Variants in NPAS3 observed in about 807,000 individuals in gnomAD.
NPAS3 encodes neuronal PAS domain protein 3, also known as neuronal PAS domain-containing protein 3.
A neutral mutation model predicts 73.1 loss-of-function variants in NPAS3; 14 were observed. The observed-to-expected ratio is 0.19, with a 90% CI of 0.13 to 0.30. The LOEUF is 0.30. Among genes scored for constraint, NPAS3 ranks in the 10% least tolerant of loss-of-function variants. NPAS3 has a pLI of 1.00. For missense variants in NPAS3, 1,096 were observed against 1,250.0 expected (o/e 0.88, Z 1.86); for synonymous variants, 620 against 541.5 (o/e 1.14, Z -2.01).
At chr14:33,224,492 G>A (rs1404863545) in intron 3 of NPAS3, among the ~76,000 whole-genome samples, 1 of 151,984 alleles carries the variant, frequency 6.6e-6, no homozygotes, top group Non-Finnish European at 1.5e-5. Context: ...TAGTATGTTA[G>A]TAAATGTCAG....
At chr14:33,694,879 C>T (rs1182973187) in intron 6 of NPAS3, among the ~76,000 whole-genome samples, 2 of 152,176 alleles carry the variant, frequency 1.3e-5, no homozygotes, top group Non-Finnish European at 2.9e-5. Flanking sequence ...ATTTAATTCT[C>T]TGTGTCTGCT....
chr14:33,582,536 G>C (rs1285035900), intron 5 of NPAS3, among the ~76,000 whole-genome samples: 1 of 152,104 alleles, frequency 6.6e-6, no homozygotes, highest in Non-Finnish European at 1.5e-5. Context: ...TTCCAGTTTG[G>C]TTTTATGTTA....
At chr14:33,601,344 A>G (rs2057392887) in intron 5 of NPAS3, among the ~76,000 whole-genome samples, 1 of 152,226 alleles carries the variant, frequency 6.6e-6, no homozygotes, top group Non-Finnish European at 1.5e-5. Flanking sequence ...ATCCAACCTT[A>G]GTTTGATGAA....
intron 3 of NPAS3, among the ~76,000 whole-genome samples, chr14:33,366,337 AT>A (rs1274818298): frequency 2.0e-5 from 3 of 152,058 alleles, no homozygotes; most frequent in South Asian, 2.1e-4. Flanking sequence ...AAAAAAAAAA[AT>A]CATAAACAGA....
chr14:33,541,131 GCACACA>G (rs367677525), intron 4 of NPAS3, among the ~76,000 whole-genome samples: 2 of 148,084 alleles, frequency 1.4e-5, no homozygotes, highest in East Asian at 4.0e-4. Context: ...GTGTGTGCAT[GCACACA>G]CACACATTAG....
rs962916715 is a variant in NPAS3 at position 33,051,302 on chromosome 14, G to C, written c.51-4603G>C. Among the ~76,000 whole-genome samples, 38 of 118,306 alleles carry C rather than the reference G, an allele frequency of 3.2e-4. 2 individuals are homozygous for C. The allele number at this position is 118,306 out of a possible 152,430, so 77.6% of individuals were successfully genotyped here. A position where few individuals can be genotyped will look rare whatever the true frequency, so the allele number is the denominator to read the frequency against. On this transcript the variant is annotated intron_variant, in intron 1 of 11. Coordinates refer to ENST00000356141, the Ensembl canonical transcript of NPAS3. ...TCTCAAAAAAAAAAAAAAAAAGAGA[G>C]ACTAAAGAACTTCCCCACTACCACC...
chr14:33,074,416 ATTCT>A (rs1220421492), intron 2 of NPAS3, among the ~76,000 whole-genome samples: 1 of 152,028 alleles, frequency 6.6e-6, no homozygotes, highest in African/African-American at 2.4e-5. Flanking sequence ...GGGATAACAC[ATTCT>A]TTCTTTCTTT....
intron 6 of NPAS3, among the ~76,000 whole-genome samples, chr14:33,732,366 C>G (rs1469818066): frequency 6.6e-6 from 1 of 152,204 alleles, no homozygotes; most frequent in Non-Finnish European, 1.5e-5. Flanking sequence ...AAAAGCATCT[C>G]TTCTAAAGCT....
At position 33,301,318 on chromosome 14, in the gene NPAS3, ATATATTTTTTTTT is replaced by A. The variant is rs1386759658; in HGVS notation, c.386-65866_386-65854del. On this transcript the variant is annotated intron_variant, in intron 3 of 11. Coordinates refer to ENST00000356141, the Ensembl canonical transcript of NPAS3. ...CTAGGTTTTATCATTATATATATAT[ATATATTTTTTTTT>A]TTTAAATCTAGCTGTAATGGGTTAT... Among the ~76,000 whole-genome samples the A allele has an allele frequency of 4.4e-4, 43 of 97,128 alleles. 6 individuals carry two copies. The highest frequency in any genetic ancestry group is 1.7e-3 in the African/African-American group (38 of 22,854). 63.7% of individuals were successfully genotyped at this position (97,128 alleles called of 152,430 possible).
At chr14:32,935,856 G>A (rs548856074), upstream of NPAS3, among the ~76,000 whole-genome samples, 2 of 152,270 alleles carry the variant, frequency 1.3e-5, no homozygotes, top group African/African-American at 2.4e-5. Context: ...TGTAATCCAC[G>A]AAAATGCGCT....
chr14:33,770,471 C>T (rs2062614689), intron 7 of NPAS3, among the ~76,000 whole-genome samples: 1 of 152,198 alleles, frequency 6.6e-6, no homozygotes, highest in African/African-American at 2.4e-5. Flanking sequence ...TAGATGTCTT[C>T]CCCCAACTTA....
intron 5 of NPAS3, among the ~76,000 whole-genome samples, chr14:33,672,737 A>G (rs1294744305): frequency 6.6e-6 from 1 of 151,356 alleles, no homozygotes; most frequent in East Asian, 1.9e-4. Context: ...GTTTAGTGGG[A>G]AAAGTGGTGG....
At position 33,800,829 on chromosome 14, in the gene NPAS3, A is replaced by G; in HGVS notation, c.2522A>G (p.Gln841Arg). 2.5e-6 allele frequency: 4 copies of G among 1,603,382 alleles called. No individual in the cohort carries two copies. Among genetic ancestry groups the G allele is most frequent in the Non-Finnish European group, 3.4e-6 (4 of 1,175,588 alleles). The change falls in exon 12 of 12, where the codon CAG becomes CGG. Residue 841 changes from glutamine (Q) to arginine (R), a missense_variant. Gln to Arg is a conservative substitution (Grantham distance 43). Coordinates refer to ENST00000356141, the Ensembl canonical transcript of NPAS3. The surrounding 1 kb of genome is among the most constrained non-coding windows in gnomAD (Gnocchi z 6.5). ...CCCGCCGAGGTGACCCTGGCCATGC[A>G]GAGCAACCTGCTGCCCAACGCGCAC...
intron 3 of NPAS3, among the ~76,000 whole-genome samples, chr14:33,220,152 C>T (rs1301166659): frequency 1.3e-5 from 2 of 152,190 alleles, no homozygotes; most frequent in Admixed American, 1.3e-4. Context: ...GAGCCTCCTA[C>T]AGGGCTAGAC....
At chr14:33,031,055 C>G (rs758444191) in intron 1 of NPAS3, among the ~76,000 whole-genome samples, 12 of 152,160 alleles carry the variant, frequency 7.9e-5, no homozygotes, top group Non-Finnish European at 1.8e-4. Flanking sequence ...GCTGAGCCCT[C>G]TCTCCAGATA....
intron 4 of NPAS3, among the ~76,000 whole-genome samples, chr14:33,428,422 G>A (rs2139112681): frequency 6.6e-6 from 1 of 152,192 alleles, no homozygotes; most frequent in African/African-American, 2.4e-5. Flanking sequence ...CTTAAAGTCT[G>A]CCTACAGATT....
chr14:33,640,742 G>A (rs923636609), intron 5 of NPAS3, among the ~76,000 whole-genome samples: 38 of 152,160 alleles, frequency 2.5e-4, no homozygotes, highest in African/African-American at 8.9e-4. Context: ...GAAATAATCT[G>A]GAAACCAGTG....
intron 3 of NPAS3, among the ~76,000 whole-genome samples, chr14:33,333,014 G>T (rs1255776414): frequency 6.6e-6 from 1 of 152,188 alleles, no homozygotes; most frequent in Non-Finnish European, 1.5e-5. Context: ...GCAGCAAAAT[G>T]TACAGATTTG....
intron 6 of NPAS3, among the ~76,000 whole-genome samples, chr14:33,724,517 C>G (rs1479122707): frequency 6.6e-6 from 1 of 151,998 alleles, no homozygotes; most frequent in East Asian, 1.9e-4. Context: ...ACCTGTAGTC[C>G]CAGCTACTCA....
Sources: allele counts gnomAD v4.1 joint callset (sites outside exome capture counted in the v4.1 genomes callset), GRCh38; gene constraint gnomAD v4.1.1; non-coding constraint Gnocchi (gnomAD v3.1); transcripts MANE v1.5; gene names NCBI Gene and HGNC (gene_info 2026-07-23, HGNC 2026-07-21).